The following SFI1 variants were observed in gnomAD, a reference collection of about 807,000 sequenced individuals.
SFI1 encodes the protein SFI1 centrin binding protein, also known as protein SFI1 homolog.
In SFI1, 195 loss-of-function variants were observed where a neutral mutation model predicts 207.5. That is an observed-to-expected ratio of 0.94 (90% confidence interval 0.84 to 1.06). The LOEUF (loss-of-function observed/expected upper bound fraction) is 1.06, where lower values mean the gene tolerates loss of function less well. SFI1 is among the 50% of genes least tolerant of loss of function. The pLI is 0.00. For synonymous variants in SFI1, 630 were observed against 598.9 expected, an observed-to-expected ratio of 1.05 and a Z score of -0.76; for missense variants, 1,634 against 1,588.0, an observed-to-expected ratio of 1.03 and a Z score of -0.49.
chr22:31,534,064 A>G (rs2058756322), intron 4 of SFI1, among the ~76,000 whole-genome samples: 2 of 152,110 alleles, frequency 1.3e-5, no homozygotes, highest in Admixed American at 6.6e-5. Context: ...AGCTCTGCCC[A>G]TCTCCCTCTC....
intron 4 of SFI1, among the ~76,000 whole-genome samples, chr22:31,535,269 A>T (rs560707005): frequency 4.1e-5 from 6 of 146,320 alleles, no homozygotes; most frequent in Non-Finnish European, 7.4e-5. Flanking sequence ...GGCTCACTGT[A>T]ACCTCTGCCT....
intron 14 of SFI1, 36 bp downstream of exon 14, chr22:31,585,170 T>C: frequency 6.4e-7 from 1 of 1,560,556 alleles, no homozygotes; most frequent in Non-Finnish European, 8.8e-7. Context: ...CTCTACTGGC[T>C]TACATTCTTG....
rs185426631 is a variant in SFI1 at position 31,602,144 on chromosome 22, C to T, written c.1545-68C>T. The T allele has an allele frequency of 2.2e-4, 288 of 1,332,900 alleles. 2 individuals carry two copies. In the East Asian group the frequency reaches 6.2e-3, roughly 29 times the overall value. 82.6% of individuals were successfully genotyped at this position (1,332,900 alleles called of 1,614,324 possible). A position where few individuals can be genotyped will look rare whatever the true frequency, so the allele number is the denominator to read the frequency against. Reference sequence around the variant, plus strand: ...AAAGGAAAAATCCAATTATTTGGAACTTCTAGTTCTGTTTGGGTTAATTTT... The same window carrying T: ...AAAGGAAAAATCCAATTATTTGGAATTTCTAGTTCTGTTTGGGTTAATTTT... On this transcript the variant is annotated intron_variant, in intron 15 of 32. Transcript: ENST00000400288.
At chr22:31,514,149 A>G (rs561355385) in intron 2 of SFI1, among the ~76,000 whole-genome samples, 5,258 of 147,428 alleles carry the variant, frequency 0.036, 219 homozygotes, top group Admixed American at 0.084. Context: ...TCAAAAAAAA[A>G]AAAAAAAAAA....
chr22:31,529,001 C>G (rs973094768), intron 3 of SFI1, 138 bp downstream of exon 3: 3 of 818,232 alleles, frequency 3.7e-6, no homozygotes, highest in Non-Finnish European at 5.6e-6. Flanking sequence ...GTAGAATGTT[C>G]AGATGAAAAG....
chr22:31,612,684 T>C (rs974363218), intron 24 of SFI1: 15 of 163,704 alleles, frequency 9.2e-5, no homozygotes, highest in Admixed American at 5.8e-5. Context: ...ATCATGCCAC[T>C]GCACTTCAGC....
chr22:31,595,704 C>T (rs2067001482), intron 15 of SFI1, among the ~76,000 whole-genome samples: 1 of 152,168 alleles, frequency 6.6e-6, no homozygotes. Flanking sequence ...GGAGACTGAG[C>T]ATGGAAGTAT....
intron 1 of SFI1, among the ~76,000 whole-genome samples, chr22:31,501,194 C>T (rs554430484): frequency 6.1e-5 from 9 of 148,466 alleles, no homozygotes; most frequent in Middle Eastern, 3.5e-3. Context: ...TTTTTTGAGA[C>T]GGAGTGTAGC....
chr22:31,516,182 T>G (rs2056466475), intron 2 of SFI1, among the ~76,000 whole-genome samples: 1 of 152,122 alleles, frequency 6.6e-6, no homozygotes, highest in Non-Finnish European at 1.5e-5. Context: ...AAATATCTTC[T>G]CCCTCTGCTC....
intron 6 of SFI1, among the ~76,000 whole-genome samples, chr22:31,551,373 G>T (rs1396154576): frequency 6.6e-6 from 1 of 152,088 alleles, no homozygotes; most frequent in Non-Finnish European, 1.5e-5. Context: ...ATTTAAATGT[G>T]TAGCTTTCCT....
At chr22:31,612,390 AAAAAAAAAAT>A (rs1435705707) in intron 24 of SFI1, 1 of 108,014 alleles carries the variant, frequency 9.3e-6, no homozygotes, top group Non-Finnish European at 1.9e-5. Context: ...AAAAAAAAAA[AAAAAAAAAAT>A]ATATATATAT....
chr22:31,512,279 C>T (rs1486250151), intron 2 of SFI1, among the ~76,000 whole-genome samples: 7 of 150,196 alleles, frequency 4.7e-5, no homozygotes, highest in African/African-American at 1.7e-4. Context: ...TGCTTGAACC[C>T]GGGAGGCGGA....
chr22:31,603,761 G>A lies in SFI1; in HGVS notation c.1823G>A (p.Arg608Gln), dbSNP rs778386730. The A allele has an allele frequency of 5.2e-6, 8 of 1,543,948 alleles. No homozygotes were observed. The highest frequency in any genetic ancestry group is 2.4e-5 in the Admixed American group (1 of 40,850). The change falls in exon 18 of 33, where the codon CGG becomes CAG. Residue 608 changes from arginine (R) to glutamine (Q), a missense_variant. By Grantham distance (43) the Arg-to-Gln change is conservative. Transcript: ENST00000400288. The part of the protein sequence containing the change: ...GLRTERTGRV[R>Q]AAEFHMAQLL... ...CCCCACAGGAGGACGGGCAGGGTGC[G>A]GGCAGCAGAATTCCACATGGCCCAG... is the stretch of plus-strand genomic sequence containing the variant.
At chr22:31,599,078 C>T (rs2067683174) in intron 15 of SFI1, among the ~76,000 whole-genome samples, 6 of 151,752 alleles carry the variant, frequency 4.0e-5, no homozygotes, top group Admixed American at 3.9e-4. Context: ...AGGTGTGAGC[C>T]ACCGCGCCCG....
intron 24 of SFI1, chr22:31,612,571 A>C (rs891341122): frequency 6.6e-6 from 1 of 150,950 alleles, no homozygotes; most frequent in Admixed American, 6.6e-5. Context: ...AAACAGAAAA[A>C]TTAGCTGGGT....
chr22:31,613,713 A>C lies in SFI1; in HGVS notation c.2854A>C (p.Lys952Gln). ...CCTGGCAGCCATCGCACCCAGCAGG[A>C]AAGTGACGTTTGAGGGTCCCCTTCT... is the stretch of plus-strand genomic sequence containing the variant. ...QPLAAIAPSR[K>Q]VTFEGPLLNR... The change falls in exon 27 of 33, where the codon AAA becomes CAA. Residue 952 changes from lysine (K) to glutamine (Q), a missense_variant. Coordinates refer to ENST00000400288, the MANE Select transcript of SFI1 (RefSeq NM_001007467.3). The C allele has an allele frequency of 1.2e-6, 2 of 1,613,222 alleles. No individual in the cohort carries two copies. Among genetic ancestry groups the C allele is most frequent in the Non-Finnish European group, 8.5e-7 (1 of 1,179,936 alleles).
intron 1 of SFI1, among the ~76,000 whole-genome samples, chr22:31,503,404 T>G (rs148576508): frequency 1.1e-3 from 163 of 152,222 alleles, no homozygotes; most frequent in African/African-American, 3.8e-3. Flanking sequence ...TCAAACCTGT[T>G]AGGCCACTTC....
Position 31,595,087 on chromosome 22 carries a change from C to T in SFI1, c.1544+5510C>T, listed in dbSNP as rs923007322. ...TCTTGACTCACGGCAAACTCCACATCCTGGGTTCAAGTAATTCTCCTGCCT... is the reference window on the plus strand; with the variant it reads ...TCTTGACTCACGGCAAACTCCACATTCTGGGTTCAAGTAATTCTCCTGCCT... On this transcript the variant is annotated intron_variant, in intron 15 of 32. Transcript: ENST00000400288. 2.0e-5 allele frequency among the ~76,000 whole-genome samples: 3 copies of T among 152,042 alleles called. No individual in the cohort carries two copies. The East Asian group carries it at 5.8e-4, about 29-fold the overall frequency.
chr22:31,594,831 G>A (rs1395007396), intron 15 of SFI1, among the ~76,000 whole-genome samples: 5 of 141,348 alleles, frequency 3.5e-5, no homozygotes, highest in African/African-American at 1.1e-4. Flanking sequence ...CTCTAGCCTG[G>A]GCGACAGAGT....
Sources: gnomAD v4.1 joint callset for allele counts (sites outside exome capture counted in the v4.1 genomes callset) on GRCh38, gnomAD v4.1.1 for gene constraint, MANE v1.5 for transcripts, NCBI Gene and HGNC (gene_info 2026-07-23, HGNC 2026-07-21) for gene names.